ASAP3: variants seen among roughly 807,000 people sequenced by gnomAD.
ASAP3 encodes the protein ArfGAP with SH3 domain, ankyrin repeat and PH domain 3.
In ASAP3, 85 loss-of-function variants were observed where a neutral mutation model predicts 118.2. The ratio of observed to expected loss-of-function variants is 0.72; its 90% CI spans 0.60 to 0.86. ASAP3 has a LOEUF of 0.86. Among genes scored for constraint, ASAP3 ranks in the 40% least tolerant of loss-of-function variants. The pLI is 0.00. For synonymous variants in ASAP3, 432 were observed against 477.4 expected (o/e 0.90, Z 1.24); for missense variants, 1,026 against 1,175.0 (o/e 0.87, Z 1.85).
intron 1 of ASAP3, among the ~76,000 whole-genome samples, chr1:23,459,201 CAATTTCCAAAAA>C (rs1414511750): frequency 7.4e-6 from 1 of 134,466 alleles, no homozygotes; most frequent in East Asian, 2.2e-4. Flanking sequence ...AAGATATGAA[CAATTTCCAAAAA>C]AATTTCCAAA....
intron 17 of ASAP3, among the ~76,000 whole-genome samples, chr1:23,435,172 T>G (rs1203477107): frequency 6.6e-6 from 1 of 152,130 alleles, no homozygotes; most frequent in Non-Finnish European, 1.5e-5. Flanking sequence ...GGACCACAGG[T>G]GTGTGCCACC....
rs565475170 is a variant in ASAP3 at position 23,474,547 on chromosome 1, C to G, written c.129+9458G>C. Among the ~76,000 whole-genome samples, 5 of 152,120 alleles carry G rather than the reference C, an allele frequency of 3.3e-5. No homozygotes were observed. The South Asian group carries it at 1.0e-3, about 32-fold the overall frequency. ...GTCTGGGCCTTCTTCGTTCCTCTCT[C>G]TAGGTGATCTTGTCCATTCCACAGC... On this transcript the variant is annotated intron_variant, in intron 1 of 24. Coordinates refer to ENST00000336689, the MANE Select transcript of ASAP3 (RefSeq NM_017707.4).
At position 23,433,215 on chromosome 1, in the gene ASAP3, T is replaced by C. The variant is rs766753572; in HGVS notation, c.2185A>G (p.Ser729Gly). The C allele has an allele frequency of 2.5e-6, 4 of 1,613,702 alleles. No homozygotes were observed. The highest frequency in any genetic ancestry group is 3.4e-6 in the Non-Finnish European group (4 of 1,179,706). Residue 729 changes from serine (S) to glycine (G), a missense_variant, in exon 22 of 25, where the codon AGC becomes GGC. By Grantham distance (56) the Ser-to-Gly change is moderately conservative. Transcript: ENST00000336689. The part of the protein sequence containing the change: ...AHWASGRLDI[S>G]NKTYETVASL... ...GCGACAGTCTCATAGGTCTTGTTGC[T>C]GATGTCCAGCCTCCCACTGGCCCAG...
rs143109278 is a variant in ASAP3 at position 23,447,162 on chromosome 1, C to G, written c.473+4317G>C. ...TCCAGGTTCCTAACAGGCCTTGGACCTGTACCAGTCCATGGCCCAGGGGTT... is the reference window on the plus strand; with the variant it reads ...TCCAGGTTCCTAACAGGCCTTGGACGTGTACCAGTCCATGGCCCAGGGGTT... On this transcript the variant is annotated intron_variant, in intron 5 of 24. Transcript: ENST00000336689. Among the ~76,000 whole-genome samples, 370 of 152,340 alleles carry G rather than the reference C, an allele frequency of 2.4e-3. 2 individuals are homozygous for G. The highest frequency in any genetic ancestry group is 2.1e-3 in the Non-Finnish European group (142 of 68,034).
At chr1:23,442,054 A>G (rs920035345) in intron 7 of ASAP3, 132 bp downstream of exon 7, 21 of 955,316 alleles carry the variant, frequency 2.2e-5, no homozygotes, top group South Asian at 4.3e-5. Flanking sequence ...TGAGCACTCA[A>G]TGAGGAACTA....
chr1:23,473,974 CTTTTTTTT>C (rs10664798), intron 1 of ASAP3, among the ~76,000 whole-genome samples: 14 of 72,104 alleles, frequency 1.9e-4, no homozygotes, highest in Non-Finnish European at 2.5e-4. Flanking sequence ...TAAATCTGCT[CTTTTTTTT>C]TTTTTTTTTT....
At chr1:23,452,964 G>A (rs1399172584) in intron 3 of ASAP3, among the ~76,000 whole-genome samples, 193 bp from the exon 4 acceptor site, 1 of 152,092 alleles carries the variant, frequency 6.6e-6, no homozygotes, top group Admixed American at 6.6e-5. Context: ...AGCCTGCGGG[G>A]GGGGACTAGA....
intron 17 of ASAP3, among the ~76,000 whole-genome samples, chr1:23,435,004 T>C (rs1157752414): frequency 6.6e-6 from 1 of 152,172 alleles, no homozygotes; most frequent in Non-Finnish European, 1.5e-5. Context: ...CCCACCAAGA[T>C]ATCAGACAGA....
At position 23,433,487 on chromosome 1, in the gene ASAP3, C is replaced by G. The variant is rs770891821; in HGVS notation, c.2065G>C (p.Asp689His). ...TCTGTGGAAATTACCCAGGAGTAGT[C>G]CACATGTAGAGGGAAGGCAAAGGTC... ...AGTFAFPLHV[D>H]YSWVISTEPG... Residue 689 changes from aspartate to histidine, a missense_variant, in exon 21 of 25, where the codon GAC becomes CAC. Transcript: ENST00000336689. 6.2e-7 allele frequency: 1 copy of G among 1,614,194 alleles called. No individual in the cohort carries two copies. Among genetic ancestry groups the G allele is most frequent in the Non-Finnish European group, 8.5e-7 (1 of 1,180,036 alleles).
At chr1:23,459,133 G>C (rs908325042) in intron 1 of ASAP3, among the ~76,000 whole-genome samples, 1 of 126,088 alleles carries the variant, frequency 7.9e-6, no homozygotes, top group Non-Finnish European at 1.6e-5. Flanking sequence ...TGGTACCACT[G>C]CACTCCAGCC....
Position 23,442,495 on chromosome 1 carries a change from C to T in ASAP3, c.585+6G>A. 1 of 1,613,290 alleles carries T rather than the reference C, an allele frequency of 6.2e-7. No homozygotes were observed. Among genetic ancestry groups the T allele is most frequent in the Non-Finnish European group, 8.5e-7 (1 of 1,179,642 alleles). Reference sequence around the variant, plus strand: ...CCCCCCCTCCCTCATCCAGAGCACCCCTTACCTCACACATGTGCAGCTGGA... The same window carrying T: ...CCCCCCCTCCCTCATCCAGAGCACCTCTTACCTCACACATGTGCAGCTGGA... On this transcript the variant is annotated splice_donor_region_variant and intron_variant, in intron 6 of 24. Transcript: ENST00000336689.
At chr1:23,456,065 G>A (rs757580273) in intron 2 of ASAP3, 39 bp from the exon 3 acceptor site, 1 of 1,613,996 alleles carries the variant, frequency 6.2e-7, no homozygotes, top group Non-Finnish European at 8.5e-7. Context: ...TTAGCTCCAG[G>A]CTGGGGCTGG....
chr1:23,464,738 A>G (rs1432676576), intron 1 of ASAP3, among the ~76,000 whole-genome samples: 2 of 149,658 alleles, frequency 1.3e-5, no homozygotes, highest in Non-Finnish European at 3.0e-5. Context: ...CCTGATAGTC[A>G]GAGATTCTCA....
intron 5 of ASAP3, among the ~76,000 whole-genome samples, chr1:23,444,201 C>T (rs752586888): frequency 5.9e-5 from 9 of 152,184 alleles, no homozygotes; most frequent in Admixed American, 2.6e-4. Context: ...AGACAGAAAG[C>T]GCTTCCCATC....
At chr1:23,450,090 C>G (rs181883579) in intron 5 of ASAP3, among the ~76,000 whole-genome samples, 14 of 152,328 alleles carry the variant, frequency 9.2e-5, no homozygotes, top group African/African-American at 3.4e-4. Flanking sequence ...TGTCTACACC[C>G]TTCATCACAG....
intron 1 of ASAP3, among the ~76,000 whole-genome samples, chr1:23,483,169 G>T (rs1471800147): frequency 6.6e-6 from 1 of 152,262 alleles, no homozygotes; most frequent in African/African-American, 2.4e-5. Flanking sequence ...CACTTAAGGT[G>T]AAGGGTGGAA....
chr1:23,431,192 G>T, intron 23 of ASAP3, 67 bp from the exon 24 acceptor site: 2 of 1,499,232 alleles, frequency 1.3e-6, no homozygotes, highest in African/African-American at 1.4e-5. Flanking sequence ...GGGAGAAAGG[G>T]CTCAGGAACA....
In ASAP3 at chr1:23,441,095, C is replaced by T; in HGVS notation, c.944+7G>A. 2 of 1,612,762 alleles carry T rather than the reference C, an allele frequency of 1.2e-6. No individual in the cohort carries two copies. The highest frequency in any genetic ancestry group is 2.2e-5 in the South Asian group (2 of 91,036). On this transcript the variant is annotated splice_region_variant and intron_variant, in intron 10 of 24. Coordinates refer to ENST00000336689, the MANE Select transcript of ASAP3 (RefSeq NM_017707.4). ...TGGGCAAATTATGTAAGCTCTGAAT[C>T]ACTTACCCGTCACTTTTCTTGTATA...
intron 5 of ASAP3, among the ~76,000 whole-genome samples, chr1:23,445,079 T>C (rs771705655): frequency 2.6e-5 from 4 of 151,844 alleles, no homozygotes; most frequent in Non-Finnish European, 4.4e-5. Flanking sequence ...ACTGATCCTG[T>C]GAACCAGGCC....
Sources: allele counts gnomAD v4.1 joint callset (sites outside exome capture counted in the v4.1 genomes callset), GRCh38; gene constraint gnomAD v4.1.1; transcripts MANE v1.5; gene names NCBI Gene and HGNC (gene_info 2026-07-23, HGNC 2026-07-21).